The following RANBP17 variants were observed in gnomAD, a reference collection of about 807,000 sequenced individuals.
RANBP17 encodes the protein RAN binding protein 17, also known as ran-binding protein 17.
RANBP17 carries 158 observed loss-of-function variants against 141.2 expected under a neutral mutation model. The observed-to-expected ratio is 1.12, with a 90% confidence interval of 0.98 to 1.28. RANBP17 has a LOEUF of 1.28. Among genes scored for constraint, RANBP17 ranks in the 50% most tolerant of loss-of-function variants. The pLI is 0.00. For missense variants in RANBP17, 1,438 were observed against 1,290.7 expected (o/e 1.11, Z -1.75); for synonymous variants, 430 against 450.0 (o/e 0.96, Z 0.56).
intron 12 of RANBP17, among the ~76,000 whole-genome samples, chr5:170,937,214 A>G (rs937029049): frequency 3.3e-5 from 5 of 151,202 alleles, no homozygotes; most frequent in Admixed American, 2.0e-4. Context: ...GGTAGTCTGT[A>G]TGTAGTCCAC....
chr5:171,230,231 T>G (rs544255807), intron 22 of RANBP17, among the ~76,000 whole-genome samples: 17 of 152,152 alleles, frequency 1.1e-4, no homozygotes, highest in Non-Finnish European at 1.9e-4. Context: ...TAGCTGAAAC[T>G]GGGGGTTTAG....
chr5:171,126,657 G>A (rs1756491532), intron 14 of RANBP17, among the ~76,000 whole-genome samples: 1 of 152,088 alleles, frequency 6.6e-6, no homozygotes, highest in South Asian at 2.1e-4. Context: ...TGATAGCACA[G>A]AAATACCAAG....
intron 14 of RANBP17, among the ~76,000 whole-genome samples, chr5:170,989,753 C>T (rs1388102515): frequency 1.3e-5 from 2 of 151,634 alleles, no homozygotes; most frequent in African/African-American, 4.8e-5. Flanking sequence ...TTTGCTAACT[C>T]ATGTTCTTAT....
intron 1 of RANBP17, among the ~76,000 whole-genome samples, chr5:170,865,772 T>C (rs999446847): frequency 1.3e-5 from 2 of 152,150 alleles, no homozygotes; most frequent in African/African-American, 2.4e-5. Context: ...AAAACCACCC[T>C]CAGGTTCAGT....
At chr5:171,096,170 A>G (rs1786677052) in intron 14 of RANBP17, among the ~76,000 whole-genome samples, 1 of 152,132 alleles carries the variant, frequency 6.6e-6, no homozygotes, top group Non-Finnish European at 1.5e-5. Context: ...ATATAAGTGG[A>G]CCCGCACAGT....
At chr5:171,292,697 G>A (rs1164475666) in intron 25 of RANBP17, among the ~76,000 whole-genome samples, 1 of 152,168 alleles carries the variant, frequency 6.6e-6, no homozygotes, top group African/African-American at 2.4e-5. Context: ...AGTCCAAGAA[G>A]CAGAAACTAT....
intron 14 of RANBP17, chr5:171,029,122 A>G: frequency 4.1e-6 from 1 of 243,126 alleles, no homozygotes; most frequent in Middle Eastern, 1.1e-3. Context: ...AGATAATACA[A>G]TTTATCTATT....
intron 18 of RANBP17, among the ~76,000 whole-genome samples, chr5:171,183,811 C>A (rs1400175274): frequency 1.3e-5 from 2 of 152,198 alleles, no homozygotes; most frequent in African/African-American, 2.4e-5. Context: ...AATGATGTAA[C>A]TGTCCAACAG....
intron 14 of RANBP17, among the ~76,000 whole-genome samples, chr5:171,079,810 A>G (rs1056902821): frequency 1.3e-5 from 2 of 152,212 alleles, no homozygotes; most frequent in African/African-American, 4.8e-5. Context: ...TTTTGCAGAC[A>G]CAAGTATTTG....
chr5:171,116,418 C>T (rs1443275496), intron 14 of RANBP17, among the ~76,000 whole-genome samples: 1 of 152,032 alleles, frequency 6.6e-6, no homozygotes, highest in Non-Finnish European at 1.5e-5. Flanking sequence ...GAGAAGTATT[C>T]AAAGAATGGG....
chr5:170,997,416 A>G (rs191950813), intron 14 of RANBP17, among the ~76,000 whole-genome samples: 1 of 152,248 alleles, frequency 6.6e-6, no homozygotes, highest in East Asian at 1.9e-4. Flanking sequence ...CTGTATTTTA[A>G]CAAGCACTTC....
chr5:170,917,804 C>A (rs1772101401), intron 9 of RANBP17, among the ~76,000 whole-genome samples: 3 of 152,040 alleles, frequency 2.0e-5, no homozygotes, highest in Admixed American at 1.3e-4. Context: ...TTTCCAACAT[C>A]CTTACGTTAA....
intron 1 of RANBP17, among the ~76,000 whole-genome samples, chr5:170,870,380 C>T (rs1224203896): frequency 6.6e-6 from 1 of 151,876 alleles, no homozygotes; most frequent in African/African-American, 2.4e-5. Flanking sequence ...CCCTCACCCC[C>T]ACAACAGGCC....
chr5:171,120,019 A>G (rs555657360), intron 14 of RANBP17, among the ~76,000 whole-genome samples: 48 of 147,902 alleles, frequency 3.2e-4, no homozygotes, highest in African/African-American at 1.0e-3. Context: ...CCTGGGCAAC[A>G]AGAGCGAAAC....
chr5:171,063,626 G>T lies in RANBP17; in HGVS notation c.1710+95249G>T, dbSNP rs556463596. ...GGGGTCAGGGGTCAGGGACCGACTT[G>T]AGGAGGCAGTCTGCCCGTTCTCAGA... On this transcript the variant is annotated intron_variant, in intron 14 of 27. Coordinates refer to ENST00000523189, the MANE Select transcript of RANBP17 (RefSeq NM_022897.5). Among the ~76,000 whole-genome samples the T allele has an allele frequency of 1.1e-3, 160 of 152,358 alleles. 1 individual carries two copies. Among genetic ancestry groups the T allele is most frequent in the Non-Finnish European group, 1.9e-3 (129 of 68,030 alleles).
intron 14 of RANBP17, among the ~76,000 whole-genome samples, chr5:170,987,620 A>G (rs562510342): frequency 6.6e-6 from 1 of 151,856 alleles, no homozygotes; most frequent in Non-Finnish European, 1.5e-5. Context: ...TTTTAAAAAC[A>G]CACATTTTAT....
intron 24 of RANBP17, chr5:171,252,150 G>GA: frequency 6.3e-7 from 1 of 1,592,280 alleles, no homozygotes; most frequent in Non-Finnish European, 8.6e-7. Flanking sequence ...ACAGAAAGAA[G>GA]ATGAGCTTTT....
intron 14 of RANBP17, among the ~76,000 whole-genome samples, chr5:171,013,470 A>T (rs1184463844): frequency 6.6e-6 from 1 of 151,972 alleles, no homozygotes; most frequent in Non-Finnish European, 1.5e-5. Flanking sequence ...TGTTCTAGAT[A>T]TTTTTTTAAC....
At chr5:171,257,151 A>G (rs1423002759) in intron 24 of RANBP17, among the ~76,000 whole-genome samples, 1 of 152,228 alleles carries the variant, frequency 6.6e-6, no homozygotes, top group African/African-American at 2.4e-5. Flanking sequence ...ACATAGGTGC[A>G]GAAATCCTTA....
Sources: allele counts gnomAD v4.1 joint callset (sites outside exome capture counted in the v4.1 genomes callset), GRCh38; gene constraint gnomAD v4.1.1; transcripts MANE v1.5; gene names NCBI Gene and HGNC (gene_info 2026-07-23, HGNC 2026-07-21).